The following ARHGAP15 variants were observed in gnomAD, a reference collection of about 807,000 sequenced individuals.
The protein encoded by ARHGAP15 is rho GTPase-activating protein 15.
In ARHGAP15, 51 loss-of-function variants were observed where a neutral mutation model predicts 63.7. The ratio of observed to expected loss-of-function variants is 0.80; its 90% CI spans 0.64 to 1.01. The LOEUF is 1.01. Among genes scored for constraint, ARHGAP15 ranks in the 50% least tolerant of loss-of-function variants. The pLI is 0.00. For missense variants in ARHGAP15, 560 were observed against 564.6 expected (o/e 0.99, Z 0.08); for synonymous variants, 191 against 193.8 (o/e 0.99, Z 0.12).
At chr2:143,606,216 G>A (rs1211514900) in intron 11 of ARHGAP15, among the ~76,000 whole-genome samples, 1 of 152,150 alleles carries the variant, frequency 6.6e-6, no homozygotes, top group African/African-American at 2.4e-5. Context: ...CAGCAATCAT[G>A]CTACAACAGC....
chr2:143,169,057 G>A (rs72992668), intron 2 of ARHGAP15, among the ~76,000 whole-genome samples: 7,947 of 152,032 alleles, frequency 0.052, 314 homozygotes, highest in Middle Eastern at 0.082. Flanking sequence ...AGAATTTCTC[G>A]ACTTGCAACT....
intron 6 of ARHGAP15, among the ~76,000 whole-genome samples, chr2:143,390,204 C>T (rs1687477018): frequency 6.6e-6 from 1 of 152,108 alleles, no homozygotes; most frequent in Non-Finnish European, 1.5e-5. Flanking sequence ...TTTCCCTCTC[C>T]TGCATAGAGA....
At chr2:143,258,938 A>C (rs1266304508) in intron 6 of ARHGAP15, among the ~76,000 whole-genome samples, 4 of 152,152 alleles carry the variant, frequency 2.6e-5, no homozygotes, top group Non-Finnish European at 5.9e-5. Context: ...AAAATTAACA[A>C]ATTGCTGAAG....
chr2:143,427,858 T>G (rs1168267504), intron 6 of ARHGAP15, among the ~76,000 whole-genome samples: 1 of 152,108 alleles, frequency 6.6e-6, no homozygotes, highest in African/African-American at 2.4e-5. Flanking sequence ...CCTTCAAAAT[T>G]TTATGACAAT....
At chr2:143,194,843 G>C (rs1393937331) in intron 2 of ARHGAP15, among the ~76,000 whole-genome samples, 1 of 152,190 alleles carries the variant, frequency 6.6e-6, no homozygotes, top group Non-Finnish European at 1.5e-5. Flanking sequence ...TCATGACGCA[G>C]TTTGATTTTC....
intron 13 of ARHGAP15, among the ~76,000 whole-genome samples, chr2:143,720,893 C>A (rs1685023345): frequency 6.6e-6 from 1 of 151,810 alleles, no homozygotes; most frequent in Non-Finnish European, 1.5e-5. Context: ...CACGGTGAAA[C>A]CCCATCTCTA....
intron 1 of ARHGAP15, among the ~76,000 whole-genome samples, chr2:143,143,262 C>G (rs973832580): frequency 6.6e-6 from 1 of 152,036 alleles, no homozygotes; most frequent in Non-Finnish European, 1.5e-5. Flanking sequence ...AGTTGAATCA[C>G]TTCAAGAGAC....
intron 1 of ARHGAP15, among the ~76,000 whole-genome samples, chr2:143,143,413 A>T (rs190860744): frequency 4.5e-4 from 62 of 136,276 alleles, no homozygotes; most frequent in African/African-American, 1.5e-3. Flanking sequence ...TCAGTAAAAA[A>T]TTTCAGTTTA....
At chr2:143,513,625 G>A (rs1323776332) in intron 9 of ARHGAP15, among the ~76,000 whole-genome samples, 1 of 152,100 alleles carries the variant, frequency 6.6e-6, no homozygotes, top group East Asian at 1.9e-4. Context: ...AAAATCCAGC[G>A]AACATTTTTC....
At chr2:143,220,095 C>G (rs1692929288) in intron 4 of ARHGAP15, among the ~76,000 whole-genome samples, 1 of 152,116 alleles carries the variant, frequency 6.6e-6, no homozygotes, top group Non-Finnish European at 1.5e-5. Context: ...CTATAATATG[C>G]CAAATCATCC....
intron 10 of ARHGAP15, among the ~76,000 whole-genome samples, chr2:143,540,068 A>G (rs1431006811): frequency 6.6e-6 from 1 of 152,154 alleles, no homozygotes; most frequent in Non-Finnish European, 1.5e-5. Flanking sequence ...ATGCTCCTGT[A>G]TTGGGTGCAT....
chr2:143,646,413 T>C (rs1377108413), intron 12 of ARHGAP15, among the ~76,000 whole-genome samples: 1 of 152,096 alleles, frequency 6.6e-6, no homozygotes, highest in African/African-American at 2.4e-5. Flanking sequence ...CTGCCTTTTT[T>C]GCTTACAGAC....
At chr2:143,191,409 G>A (rs1301267314) in intron 2 of ARHGAP15, among the ~76,000 whole-genome samples, 2 of 152,136 alleles carry the variant, frequency 1.3e-5, no homozygotes, top group African/African-American at 2.4e-5. Context: ...GAAGTTTGTG[G>A]TGAATTCAAA....
chr2:143,463,146 A>G lies in ARHGAP15; in HGVS notation c.704-24227A>G, dbSNP rs534017301. Among the ~76,000 whole-genome samples the G allele has an allele frequency of 1.6e-4, 24 of 152,250 alleles. No individual in the cohort carries two copies. The East Asian group carries it at 3.9e-3, about 24-fold the overall frequency. On this transcript the variant is annotated intron_variant, in intron 8 of 13. Coordinates refer to ENST00000295095, the MANE Select transcript of ARHGAP15 (RefSeq NM_018460.4). ...ATTTTATGTGTGGCCCAAGACAATT[A>G]TTCTTCTTCCAGTGTGGCCCAGGGA...
At chr2:143,286,173 G>A (rs1159072043) in intron 6 of ARHGAP15, among the ~76,000 whole-genome samples, 2 of 152,136 alleles carry the variant, frequency 1.3e-5, no homozygotes, top group Non-Finnish European at 2.9e-5. Context: ...GGCCTTTTGT[G>A]AAAAGTGGTG....
At chr2:143,268,247 A>G (rs1681096283) in intron 6 of ARHGAP15, among the ~76,000 whole-genome samples, 1 of 151,632 alleles carries the variant, frequency 6.6e-6, no homozygotes, top group African/African-American at 2.4e-5. Context: ...ATATTGGTTT[A>G]AAACAACAAA....
chr2:143,507,680 C>A (rs999800590), intron 9 of ARHGAP15, among the ~76,000 whole-genome samples: 1 of 152,132 alleles, frequency 6.6e-6, no homozygotes, highest in Admixed American at 6.5e-5. Flanking sequence ...GATTTCATGT[C>A]TTTTGGGGTG....
intron 11 of ARHGAP15, among the ~76,000 whole-genome samples, chr2:143,582,416 T>A (rs1696945380): frequency 6.6e-6 from 1 of 152,164 alleles, no homozygotes; most frequent in Non-Finnish European, 1.5e-5. Context: ...AGATGCAGAC[T>A]CTGTGCTTTT....
intron 10 of ARHGAP15, among the ~76,000 whole-genome samples, chr2:143,543,151 A>T (rs1222934192): frequency 1.3e-5 from 2 of 151,916 alleles, no homozygotes; most frequent in Non-Finnish European, 2.9e-5. Flanking sequence ...ACTAATTTGC[A>T]TTCCCACCAA....
Sources: gnomAD v4.1 joint callset for allele counts (sites outside exome capture counted in the v4.1 genomes callset) on GRCh38, gnomAD v4.1.1 for gene constraint, MANE v1.5 for transcripts, NCBI Gene and HGNC (gene_info 2026-07-23, HGNC 2026-07-21) for gene names.